The following APBA2 variants were observed in gnomAD, a reference collection of about 807,000 sequenced individuals.
APBA2 encodes amyloid-beta A4 precursor protein-binding family A member 2.
Under a neutral mutation model 75.0 loss-of-function variants are expected in APBA2, and 30 were observed. The observed-to-expected ratio is 0.40, with a 90% CI of 0.30 to 0.54. APBA2 has a LOEUF of 0.54. Ranked by LOEUF, APBA2 falls within the 20% of genes least tolerant of loss-of-function variation. The pLI is 0.49. For synonymous variants in APBA2, 444 were observed against 409.6 expected (o/e 1.08, Z -1.01); for missense variants, 801 against 1,016.1 (o/e 0.79, Z 2.88).
intron 3 of APBA2, among the ~76,000 whole-genome samples, chr15:29,004,971 C>T (rs1204887942): frequency 2.0e-5 from 3 of 152,168 alleles, no homozygotes; most frequent in African/African-American, 7.2e-5. Context: ...TGAGCCATCA[C>T]GCCCGGCCAG....
chr15:28,906,499 A>G (rs777681856), intron 1 of APBA2, among the ~76,000 whole-genome samples: 45 of 152,318 alleles, frequency 3.0e-4, no homozygotes, highest in Admixed American at 6.5e-4. Context: ...TCCGTAGCAT[A>G]GGTTCCTAGA....
At chr15:29,014,191 C>T (rs1490481708) in intron 3 of APBA2, among the ~76,000 whole-genome samples, 1 of 152,220 alleles carries the variant, frequency 6.6e-6, no homozygotes, top group African/African-American at 2.4e-5. Flanking sequence ...CCTATTCCAT[C>T]TCACTTCGCT....
chr15:28,937,824 T>C (rs1249288928), intron 2 of APBA2, among the ~76,000 whole-genome samples: 1 of 151,870 alleles, frequency 6.6e-6, no homozygotes, highest in Non-Finnish European at 1.5e-5. Flanking sequence ...GCCCGGCTAA[T>C]TGTTTTGTAT....
intron 6 of APBA2, among the ~76,000 whole-genome samples, chr15:29,077,427 T>C (rs2042899402): frequency 6.6e-6 from 1 of 152,200 alleles, no homozygotes; most frequent in African/African-American, 2.4e-5. Context: ...CAGTGTATCA[T>C]AGTGTCATCT....
At chr15:28,890,316 G>A (rs1043642519) in intron 1 of APBA2, among the ~76,000 whole-genome samples, 1 of 152,194 alleles carries the variant, frequency 6.6e-6, no homozygotes, top group African/African-American at 2.4e-5. Flanking sequence ...TGGATTTTCA[G>A]TTGTTTGGGT....
At position 28,971,221 on chromosome 15, in the gene APBA2, A is replaced by AT. The variant is rs906029405; in HGVS notation, c.-94-24524dup. 2.0e-5 allele frequency among the ~76,000 whole-genome samples: 3 copies of AT among 151,554 alleles called. No individual in the cohort carries two copies. The South Asian group carries it at 6.3e-4, about 32-fold the overall frequency. ...TATTTCTTTTCTGTCTGTGCTTGCC[A>AT]TTTTTTTTAATCACGATTGGATAAG... On this transcript the variant is annotated intron_variant, in intron 2 of 14. Transcript: ENST00000683413.
chr15:28,923,656 G>C (rs941459076), intron 2 of APBA2, among the ~76,000 whole-genome samples: 1 of 152,146 alleles, frequency 6.6e-6, no homozygotes, highest in Non-Finnish European at 1.5e-5. Flanking sequence ...TTCTCATATG[G>C]AACACGTGGT....
intron 2 of APBA2, among the ~76,000 whole-genome samples, chr15:28,944,240 C>A (rs545749910): frequency 1.3e-5 from 2 of 152,146 alleles, no homozygotes; most frequent in African/African-American, 4.8e-5. Context: ...AGCTCTTTCG[C>A]GGTTTGGGAT....
At chr15:29,056,564 C>T (rs1003038416) in intron 4 of APBA2, among the ~76,000 whole-genome samples, 12 of 33,428 alleles carry the variant, frequency 3.6e-4, no homozygotes, top group Admixed American at 1.1e-3. Flanking sequence ...CTCCTTTCCT[C>T]CCTTCCTCCC....
Position 29,054,328 on chromosome 15 carries a change from C to T in APBA2, c.444C>T (p.His148=), listed in dbSNP as rs578050970. Residue 148 remains histidine (H), a synonymous_variant, in exon 4 of 15, where the codon CAC becomes CAT. Coordinates refer to ENST00000683413, the MANE Select transcript of APBA2 (RefSeq NM_001353788.2). The surrounding 1 kb of genome is among the most constrained non-coding windows in gnomAD (Gnocchi z 6.1). ...VEEWTDSAGP[H]PHGHEAEGSQ... ...AGTGGACGGACTCGGCGGGCCCGCACCCCCACGGCCACGAGGCTGAAGGCA... is the reference window on the plus strand; with the variant it reads ...AGTGGACGGACTCGGCGGGCCCGCATCCCCACGGCCACGAGGCTGAAGGCA... The T allele has an allele frequency of 1.9e-6, 3 of 1,613,980 alleles. No individual in the cohort carries two copies. Among genetic ancestry groups the T allele is most frequent in the African/African-American group, 1.3e-5 (1 of 75,054 alleles).
chr15:29,047,946 A>G (rs997448036), intron 3 of APBA2, among the ~76,000 whole-genome samples: 5 of 152,240 alleles, frequency 3.3e-5, no homozygotes, highest in African/African-American at 1.2e-4. Flanking sequence ...TGAGATGTCT[A>G]CAGCTATAAA....
At position 28,991,498 on chromosome 15, in the gene APBA2, GCC is replaced by G. The variant is rs2038230291; in HGVS notation, c.-94-4252_-94-4251del. Among the ~76,000 whole-genome samples, 1 of 152,226 alleles carries G rather than the reference GCC, an allele frequency of 6.6e-6. No homozygotes were observed. Among genetic ancestry groups the G allele is most frequent in the South Asian group, 2.1e-4 (1 of 4,834 alleles). On this transcript the variant is annotated intron_variant, in intron 2 of 14. Transcript: ENST00000683413. The surrounding 1 kb of genome is among the most constrained non-coding windows in gnomAD (Gnocchi z 4.7). The stretch of plus-strand genomic sequence containing the variant: ...AGCTGCCCGGCCCCACTGTGAGGCC[GCC>G]CCTTGCAGGTGAGTTCACTGGCAGC...
At chr15:28,917,519 A>G (rs1003002146) in intron 1 of APBA2, among the ~76,000 whole-genome samples, 1 of 151,916 alleles carries the variant, frequency 6.6e-6, no homozygotes, top group Non-Finnish European at 1.5e-5. Flanking sequence ...TTTTTTTTTC[A>G]GCAGTTTTAG....
At chr15:29,066,011 G>A (rs1467405354) in intron 4 of APBA2, among the ~76,000 whole-genome samples, 29 of 152,144 alleles carry the variant, frequency 1.9e-4, no homozygotes, top group Admixed American at 1.8e-3. Context: ...TGTGTGTGGC[G>A]GCATCAGTCA....
At position 28,918,065 on chromosome 15, in the gene APBA2, T is replaced by C. The variant is rs1466113406; in HGVS notation, c.-204-3575T>C. 6.6e-6 allele frequency among the ~76,000 whole-genome samples: 1 copy of C among 152,158 alleles called. No homozygotes were observed. Among genetic ancestry groups the C allele is most frequent in the Non-Finnish European group, 1.5e-5 (1 of 68,028 alleles). ...TCGGTCCCCGAGGATTCTGCCCAGATAGGGATAAGAATCACCGCGAGTGTT... is the reference window on the plus strand; with the variant it reads ...TCGGTCCCCGAGGATTCTGCCCAGACAGGGATAAGAATCACCGCGAGTGTT... On this transcript the variant is annotated intron_variant, in intron 1 of 14. Transcript: ENST00000683413. This position sits in a 1 kb window ranked among gnomAD's most constrained non-coding sequence, Gnocchi z 4.2.
chr15:29,042,429 C>T (rs1484559186), intron 3 of APBA2, among the ~76,000 whole-genome samples: 10 of 152,054 alleles, frequency 6.6e-5, no homozygotes, highest in African/African-American at 2.2e-4. Context: ...CATGCCACCA[C>T]GTGTATTTTT....
At chr15:29,016,141 C>T (rs562960185) in intron 3 of APBA2, among the ~76,000 whole-genome samples, 105 of 152,252 alleles carry the variant, frequency 6.9e-4, no homozygotes, top group Non-Finnish European at 1.5e-3. Flanking sequence ...CCTGTGATCC[C>T]AGCTACTTGG....
At chr15:28,972,630 G>T (rs2037125399) in intron 2 of APBA2, among the ~76,000 whole-genome samples, 1 of 152,218 alleles carries the variant, frequency 6.6e-6, no homozygotes, top group Admixed American at 6.5e-5. Flanking sequence ...CCCAGCCAAT[G>T]GTTCTTTAAG....
intron 2 of APBA2, among the ~76,000 whole-genome samples, 198 bp downstream of exon 2, chr15:28,921,947 T>C (rs1338565524): frequency 6.6e-6 from 1 of 152,208 alleles, no homozygotes; most frequent in African/African-American, 2.4e-5. Context: ...CTTACATTTA[T>C]TTTGAGGCGA....
Sources: gnomAD v4.1 joint callset for allele counts (sites outside exome capture counted in the v4.1 genomes callset) on GRCh38, gnomAD v4.1.1 for gene constraint, Gnocchi (gnomAD v3.1) non-coding constraint, MANE v1.5 for transcripts, NCBI Gene and HGNC (gene_info 2026-07-23, HGNC 2026-07-21) for gene names.